LARP4: variants seen among roughly 807,000 people sequenced by gnomAD.
LARP4 encodes the protein La ribonucleoprotein 4.
A neutral mutation model predicts 92.9 loss-of-function variants in LARP4; 29 were observed. That is an observed-to-expected ratio of 0.31 (90% CI 0.23 to 0.43). LARP4 has a LOEUF of 0.43. LARP4 is among the 20% of genes least tolerant of loss of function. The pLI is 1.00. For synonymous variants in LARP4, 279 were observed against 284.1 expected (o/e 0.98, Z 0.18); for missense variants, 732 against 860.0 (o/e 0.85, Z 1.86).
chr12:50,407,355 T>C (rs1945044969), intron 1 of LARP4, among the ~76,000 whole-genome samples: 1 of 152,200 alleles, frequency 6.6e-6, no homozygotes, highest in African/African-American at 2.4e-5. Context: ...TTTAAACTAA[T>C]TTAAGAGAAG....
chr12:50,415,107 G>A (rs1481967430), intron 1 of LARP4, among the ~76,000 whole-genome samples: 1 of 152,148 alleles, frequency 6.6e-6, no homozygotes, highest in Admixed American at 6.6e-5. Context: ...GGAGGCTGAG[G>A]CAGGAGAATC....
chr12:50,438,472 C>T lies in LARP4; in HGVS notation c.639+634C>T, dbSNP rs1317242504. On this transcript the variant is annotated intron_variant, in intron 6 of 15. Coordinates refer to ENST00000398473, the MANE Select transcript of LARP4 (RefSeq NM_052879.5). Reference sequence around the variant, plus strand: ...AGCCACTGCACTCTAGCCTGGGTTACAGAGTGAGACTCTTTGTCTCAAAAA... The same window carrying T: ...AGCCACTGCACTCTAGCCTGGGTTATAGAGTGAGACTCTTTGTCTCAAAAA... Among the ~76,000 whole-genome samples the T allele has an allele frequency of 2.2e-5, 3 of 136,366 alleles. No homozygotes were observed. In the Admixed American group the frequency reaches 2.4e-4, roughly 11 times the overall value. The allele number at this position is 136,366 out of a possible 152,430, so 89.5% of individuals were successfully genotyped here.
rs145123633 is a variant in LARP4, at chr12:50,418,797, T to G, written c.19-8965T>G. ...ACAATCATGTGATCTTGGCTCACTG[T>G]AGCCTCAGTCTCCCAGACTCAAGCA... On this transcript the variant is annotated intron_variant, in intron 1 of 15. Transcript: ENST00000398473. Among the ~76,000 whole-genome samples the G allele has an allele frequency of 4.3e-3, 653 of 152,244 alleles. 5 individuals carry two copies. The highest frequency in any genetic ancestry group is 0.015 in the African/African-American group (614 of 41,542).
intron 13 of LARP4, 73 bp downstream of exon 13, chr12:50,467,193 A>T (rs1956256370): frequency 8.3e-7 from 1 of 1,203,166 alleles, no homozygotes; most frequent in African/African-American, 1.5e-5. Context: ...GTTATTTAAA[A>T]TTTTACTTGC....
intron 11 of LARP4, 150 bp from the exon 12 acceptor site, chr12:50,462,432 C>G (rs1043719696): frequency 8.7e-6 from 5 of 571,488 alleles, no homozygotes; most frequent in South Asian, 2.3e-5. Flanking sequence ...GAGCCGAGAT[C>G]GCGCCACTGC....
At chr12:50,466,072 C>T (rs1956113548) in intron 12 of LARP4, among the ~76,000 whole-genome samples, 1 of 152,148 alleles carries the variant, frequency 6.6e-6, no homozygotes, top group Non-Finnish European at 1.5e-5. Flanking sequence ...ATGGTTAACA[C>T]ACCAAATGCT....
intron 1 of LARP4, among the ~76,000 whole-genome samples, chr12:50,416,597 T>A (rs1946831100): frequency 6.6e-6 from 1 of 152,058 alleles, no homozygotes; most frequent in Admixed American, 6.6e-5. Flanking sequence ...GGTGGGAGGA[T>A]CCCTAGAGCC....
At chr12:50,408,102 A>C (rs1292812115) in intron 1 of LARP4, among the ~76,000 whole-genome samples, 1 of 150,002 alleles carries the variant, frequency 6.7e-6, no homozygotes, top group Non-Finnish European at 1.5e-5. Flanking sequence ...TGTGAACTGC[A>C]TTCATAAATG....
intron 13 of LARP4, among the ~76,000 whole-genome samples, chr12:50,472,823 C>T (rs1957072192): frequency 7.0e-6 from 1 of 141,932 alleles, no homozygotes; most frequent in South Asian, 2.3e-4. Flanking sequence ...CTATGTTTAA[C>T]TTTTTTTTTT....
intron 8 of LARP4, among the ~76,000 whole-genome samples, chr12:50,449,021 C>T (rs7135159): frequency 0.7 from 106,150 of 151,770 alleles, 43,883 homozygotes; most frequent in Non-Finnish European, 0.93. Context: ...AGGCAGATCA[C>T]ATGAGGCCAG....
At chr12:50,468,872 C>G (rs1035567894) in intron 13 of LARP4, among the ~76,000 whole-genome samples, 1 of 151,950 alleles carries the variant, frequency 6.6e-6, no homozygotes, top group Non-Finnish European at 1.5e-5. Context: ...TTTTTCAGGG[C>G]TGAGACTCAA....
intron 1 of LARP4, among the ~76,000 whole-genome samples, chr12:50,412,918 A>G (rs1427849460): frequency 6.6e-6 from 1 of 152,124 alleles, no homozygotes; most frequent in Non-Finnish European, 1.5e-5. Flanking sequence ...AACTGTGGTG[A>G]GAAGATGAAT....
intron 1 of LARP4, among the ~76,000 whole-genome samples, chr12:50,421,057 C>CTA (rs1176842223): frequency 6.9e-6 from 1 of 145,484 alleles, no homozygotes; most frequent in Non-Finnish European, 1.5e-5. Flanking sequence ...TCAAGCGATT[C>CTA]TACTGCCTCA....
chr12:50,405,145 C>T (rs570286810), intron 1 of LARP4, among the ~76,000 whole-genome samples: 3 of 151,936 alleles, frequency 2.0e-5, no homozygotes, highest in Admixed American at 6.6e-5. Flanking sequence ...GTGATCCGCC[C>T]GCCTTGGCCT....
At chr12:50,419,441 A>C (rs1431788144) in intron 1 of LARP4, among the ~76,000 whole-genome samples, 5 of 152,180 alleles carry the variant, frequency 3.3e-5, no homozygotes, top group Non-Finnish European at 7.4e-5. Flanking sequence ...GGGTTGGTGC[A>C]GGAGAGGTCT....
intron 10 of LARP4, among the ~76,000 whole-genome samples, chr12:50,459,245 C>T (rs957600284): frequency 7.9e-5 from 12 of 152,090 alleles, no homozygotes; most frequent in African/African-American, 2.2e-4. Context: ...GTGATCTGCC[C>T]GTCTCCACTT....
At chr12:50,447,875 C>G (rs898791968) in intron 8 of LARP4, among the ~76,000 whole-genome samples, 3 of 151,552 alleles carry the variant, frequency 2.0e-5, no homozygotes, top group Non-Finnish European at 2.9e-5. Flanking sequence ...CCATTTTTTT[C>G]TATTTTTTTT....
At position 50,418,140 on chromosome 12, in the gene LARP4, T is replaced by C. The variant is rs138007835; in HGVS notation, c.19-9622T>C. 9.8e-3 allele frequency among the ~76,000 whole-genome samples: 1,485 copies of C among 152,124 alleles called. 28 individuals carry two copies. The highest frequency in any genetic ancestry group is 0.034 in the African/African-American group (1,421 of 41,502). On this transcript the variant is annotated intron_variant, in intron 1 of 15. Transcript: ENST00000398473. Reference sequence around the variant, plus strand: ...CCTCCCAAAGTGTTGGAATTACAGGTGTGAGCCACTGCGCCTGGCCCAATT... The same window carrying C: ...CCTCCCAAAGTGTTGGAATTACAGGCGTGAGCCACTGCGCCTGGCCCAATT...
chr12:50,463,820 G>C (rs550071955), intron 12 of LARP4, among the ~76,000 whole-genome samples: 151 of 152,152 alleles, frequency 9.9e-4, no homozygotes, highest in Non-Finnish European at 2.0e-3. Flanking sequence ...CCTAGTGGAG[G>C]CTTGATGTGA....
Sources: gnomAD v4.1 joint callset for allele counts (sites outside exome capture counted in the v4.1 genomes callset) on GRCh38, gnomAD v4.1.1 for gene constraint, MANE v1.5 for transcripts, NCBI Gene and HGNC (gene_info 2026-07-23, HGNC 2026-07-21) for gene names.